Variants in CIMIP3 observed in about 807,000 individuals in gnomAD.
CIMIP3 encodes GUCA1A neighbor.
At chr6:42,162,385 A>T in the CIMIP3 span, among the ~76,000 whole-genome samples, 4 of 148,620 alleles carry the variant, frequency 2.7e-5, no homozygotes, top group Non-Finnish European at 5.9e-5. Context: ...ATTGTACTCC[A>T]GCCTGGGCAA....
At chr6:42,161,953 C>T in the CIMIP3 span, among the ~76,000 whole-genome samples, 20 of 151,954 alleles carry the variant, frequency 1.3e-4, no homozygotes, top group African/African-American at 2.2e-4. Flanking sequence ...AGGGAGAGCA[C>T]GCAAGGCTGG....
chr6:42,156,643 T>C, the CIMIP3 span, among the ~76,000 whole-genome samples: 4,350 of 152,298 alleles, frequency 0.029, 87 homozygotes, highest in Non-Finnish European at 0.044. Context: ...CCCGAGAGGC[T>C]GAGAGTAATG....
At chr6:42,161,390 T>C in the CIMIP3 span, among the ~76,000 whole-genome samples, 1 of 151,986 alleles carries the variant, frequency 6.6e-6, no homozygotes, top group African/African-American at 2.4e-5. Flanking sequence ...GGGAGCAGAA[T>C]AGATCCAGCC....
At chr6:42,162,241 C>G in the CIMIP3 span, among the ~76,000 whole-genome samples, 1 of 151,370 alleles carries the variant, frequency 6.6e-6, no homozygotes, top group Non-Finnish European at 1.5e-5. Context: ...TGGTGAAACC[C>G]CATCTGTACT....
At chr6:42,161,701 G>T in the CIMIP3 span, among the ~76,000 whole-genome samples, 1,062 of 152,272 alleles carry the variant, frequency 7.0e-3, 15 homozygotes, top group African/African-American at 0.024. Flanking sequence ...GACACATTTG[G>T]TAACAATGAG....
At chr6:42,161,246 G>C in the CIMIP3 span, among the ~76,000 whole-genome samples, 1 of 152,074 alleles carries the variant, frequency 6.6e-6, no homozygotes, top group Non-Finnish European at 1.5e-5. Context: ...GAGCAAAGGA[G>C]ACTTCTTTTG....
the CIMIP3 span, chr6:42,163,132 G>A: frequency 1.4e-6 from 1 of 698,650 alleles, no homozygotes; most frequent in South Asian, 1.5e-5. Flanking sequence ...CCAACTCCCT[G>A]AACCCCTTCT....
the CIMIP3 span, among the ~76,000 whole-genome samples, chr6:42,157,537 A>G: frequency 1.3e-5 from 2 of 150,060 alleles, no homozygotes; most frequent in Non-Finnish European, 3.0e-5. Flanking sequence ...GGCGTGAGCC[A>G]TGGTGCCGGC....
the CIMIP3 span, among the ~76,000 whole-genome samples, chr6:42,159,987 A>C: frequency 3.3e-5 from 5 of 151,988 alleles, no homozygotes; most frequent in Admixed American, 2.6e-4. Flanking sequence ...AGTGGAAAAG[A>C]ATCTTTTGTT....
the CIMIP3 span, among the ~76,000 whole-genome samples, chr6:42,161,119 T>C: frequency 6.6e-6 from 1 of 151,780 alleles, no homozygotes; most frequent in Non-Finnish European, 1.5e-5. Flanking sequence ...ACCCAGGAGG[T>C]GGGGATTGCA....
At chr6:42,155,735 C>A in the CIMIP3 span, 5 of 682,260 alleles carry the variant, frequency 7.3e-6, no homozygotes, top group Non-Finnish European at 1.4e-5. Context: ...GCTTCCTCTG[C>A]CCCTTCACTG....
chr6:42,159,474 T>C, the CIMIP3 span, among the ~76,000 whole-genome samples: 4 of 152,292 alleles, frequency 2.6e-5, no homozygotes, highest in Non-Finnish European at 4.4e-5. Flanking sequence ...TAAGAGATGG[T>C]GATTCATGGT....
chr6:42,160,385 C>T, the CIMIP3 span, among the ~76,000 whole-genome samples: 1 of 152,180 alleles, frequency 6.6e-6, no homozygotes, highest in African/African-American at 2.4e-5. Flanking sequence ...CTGGAAGAGT[C>T]TGGGAAGGCT....
At chr6:42,162,090 CTTTTTT>C in the CIMIP3 span, among the ~76,000 whole-genome samples, 7 of 63,090 alleles carry the variant, frequency 1.1e-4, no homozygotes, top group Admixed American at 3.5e-4. Context: ...AAGCCACATT[CTTTTTT>C]TTTTTTTTTT....
chr6:42,157,822 C>G, the CIMIP3 span, among the ~76,000 whole-genome samples: 1 of 152,196 alleles, frequency 6.6e-6, no homozygotes, highest in Non-Finnish European at 1.5e-5. Context: ...CTTCATCACT[C>G]CCTGTAGAAT....
At chr6:42,157,563 T>C in the CIMIP3 span, among the ~76,000 whole-genome samples, 4 of 151,798 alleles carry the variant, frequency 2.6e-5, no homozygotes, top group South Asian at 2.1e-4. Flanking sequence ...TTTCTTTTTT[T>C]TTTTTTAATA....
the CIMIP3 span, among the ~76,000 whole-genome samples, chr6:42,162,410 T>TC: frequency 1.8e-4 from 2 of 11,236 alleles, no homozygotes; most frequent in Admixed American, 1.2e-3. Context: ...AGCGAAACTC[T>TC]TTTTTTTTTT....
chr6:42,157,218 G>A, the CIMIP3 span, among the ~76,000 whole-genome samples: 1 of 152,150 alleles, frequency 6.6e-6, no homozygotes, highest in East Asian at 1.9e-4. Flanking sequence ...CGCCTGTGGG[G>A]ATGGGGGTTA....
the CIMIP3 span, among the ~76,000 whole-genome samples, chr6:42,162,356 A>G: frequency 6.6e-6 from 1 of 150,958 alleles, no homozygotes; most frequent in South Asian, 2.1e-4. Context: ...CGGAGGTTGC[A>G]GTGAGCCGAG....
Sources: gnomAD v4.1 joint callset for allele counts (sites outside exome capture counted in the v4.1 genomes callset) on GRCh38, gnomAD v4.1.1 for gene constraint, MANE v1.5 for transcripts, NCBI Gene and HGNC (gene_info 2026-07-23, HGNC 2026-07-21) for gene names.